FOXP1: variants seen among roughly 807,000 people sequenced by gnomAD.
The protein encoded by FOXP1 is forkhead box P1.
FOXP1 carries 15 observed loss-of-function variants against 98.2 expected under a neutral mutation model. The ratio of observed to expected loss-of-function variants is 0.15; its 90% CI spans 0.10 to 0.24. The LOEUF (loss-of-function observed/expected upper bound fraction) is 0.24, where lower values mean the gene tolerates loss of function less well. Among genes scored for constraint, FOXP1 ranks in the 10% least tolerant of loss-of-function variants. The pLI is 1.00. For missense variants in FOXP1, 633 were observed against 848.5 expected (o/e 0.75, Z 3.15); for synonymous variants, 371 against 314.5 (o/e 1.18, Z -1.90).
At chr3:71,063,666 C>T (rs555524969) in intron 7 of FOXP1, among the ~76,000 whole-genome samples, 1 of 152,254 alleles carries the variant, frequency 6.6e-6, no homozygotes, top group South Asian at 2.1e-4. Context: ...TAGTATGATT[C>T]ACATTTCCTG....
upstream of FOXP1, chr3:71,583,750 A>G: frequency 1.0e-6 from 1 of 985,642 alleles, no homozygotes; most frequent in South Asian, 4.6e-5. Flanking sequence ...GCCACACAAT[A>G]AATAACAATA....
chr3:71,580,610 C>G (rs2048088996), intron 2 of FOXP1, among the ~76,000 whole-genome samples: 1 of 151,640 alleles, frequency 6.6e-6, no homozygotes. Context: ...TGAAGTCTTA[C>G]TATTTCTTTA....
intron 3 of FOXP1, among the ~76,000 whole-genome samples, chr3:71,424,650 G>A (rs902831604): frequency 3.3e-5 from 5 of 152,232 alleles, no homozygotes; most frequent in South Asian, 2.1e-4. Flanking sequence ...ACAAAAATCC[G>A]CACTCCAATT....
At chr3:71,510,723 C>A (rs2042145080) in intron 2 of FOXP1, among the ~76,000 whole-genome samples, 1 of 152,136 alleles carries the variant, frequency 6.6e-6, no homozygotes, top group Non-Finnish European at 1.5e-5. Flanking sequence ...GTCAGCAGAC[C>A]CAGCCATTGC....
intron 3 of FOXP1, among the ~76,000 whole-genome samples, chr3:71,393,744 C>G (rs575495480): frequency 3.9e-5 from 6 of 152,320 alleles, no homozygotes; most frequent in Admixed American, 3.9e-4. Flanking sequence ...TCTGTGAAAT[C>G]AAAGCAGTTT....
chr3:71,184,172 A>C (rs549329071), intron 6 of FOXP1, among the ~76,000 whole-genome samples: 27 of 152,044 alleles, frequency 1.8e-4, no homozygotes, highest in Non-Finnish European at 3.1e-4. Flanking sequence ...AACAAACAAA[A>C]AAGCCCTTCA....
At chr3:71,115,317 T>TTTTATTTATTTATTTA (rs10563814) in intron 6 of FOXP1, among the ~76,000 whole-genome samples, 13,873 of 144,046 alleles carry the variant, frequency 0.096, 968 homozygotes, top group East Asian at 0.31. Flanking sequence ...ATTATTATTA[T>TTTTATTTATTTATTTA]TTTATTTATT....
At chr3:71,077,279 C>G (rs2053894703) in intron 7 of FOXP1, among the ~76,000 whole-genome samples, 1 of 152,122 alleles carries the variant, frequency 6.6e-6, no homozygotes, top group Non-Finnish European at 1.5e-5. Context: ...GGTGTCAATC[C>G]CTGAACCCTG....
At chr3:70,963,315 C>T (rs1371673155) in intron 20 of FOXP1, among the ~76,000 whole-genome samples, 1 of 152,164 alleles carries the variant, frequency 6.6e-6, no homozygotes, top group African/African-American at 2.4e-5. Flanking sequence ...GAAGTGAAAT[C>T]CGATTTCGGG....
intron 13 of FOXP1, among the ~76,000 whole-genome samples, chr3:70,992,329 AG>A (rs928177529): frequency 6.6e-6 from 1 of 152,210 alleles, no homozygotes; most frequent in Non-Finnish European, 1.5e-5. Context: ...ATGTGGCCCA[AG>A]CATATCCAGT....
intron 7 of FOXP1, among the ~76,000 whole-genome samples, chr3:71,104,558 T>G (rs831437): frequency 0.99 from 151,347 of 152,246 alleles, 75,238 homozygotes; most frequent in Middle Eastern, 1. Flanking sequence ...TCACATCCTC[T>G]AACTGTCATC....
In FOXP1 at chr3:71,220,980, A is replaced by G. The variant is rs2065334081; in HGVS notation, c.-11-22588T>C. Among the ~76,000 whole-genome samples the G allele has an allele frequency of 2.6e-5, 4 of 151,622 alleles. No individual in the cohort carries two copies. The South Asian group carries it at 8.3e-4, about 32-fold the overall frequency. On this transcript the variant is annotated intron_variant, in intron 5 of 20. Coordinates refer to ENST00000649528, the MANE Select transcript of FOXP1 (RefSeq NM_001349338.3). ...CAAGAATACTTAGACTTAGACACAC[A>G]TATATAAAGCTAGCAGACAAAAATA...
At chr3:71,064,665 C>T (rs1375602716) in intron 7 of FOXP1, among the ~76,000 whole-genome samples, 3 of 150,302 alleles carry the variant, frequency 2.0e-5, no homozygotes, top group African/African-American at 7.6e-5. Context: ...AACTCCTACC[C>T]AACTTGGTAA....
chr3:71,388,382 G>C (rs2080758351), intron 3 of FOXP1, among the ~76,000 whole-genome samples: 1 of 152,180 alleles, frequency 6.6e-6, no homozygotes, highest in Non-Finnish European at 1.5e-5. Flanking sequence ...TTTAGTGCAC[G>C]TTCCGCAGCT....
chr3:71,080,837 G>A (rs1476985032), intron 7 of FOXP1, among the ~76,000 whole-genome samples: 1 of 152,166 alleles, frequency 6.6e-6, no homozygotes. Flanking sequence ...GGGTATCAAA[G>A]AAAGTCTTAC....
At chr3:71,037,063 T>C (rs2047694041) in intron 11 of FOXP1, among the ~76,000 whole-genome samples, 1 of 152,220 alleles carries the variant, frequency 6.6e-6, no homozygotes, top group South Asian at 2.1e-4. Flanking sequence ...ATTTAATTTC[T>C]ATTATTCGAT....
chr3:71,145,232 A>T (rs2321499), intron 6 of FOXP1, among the ~76,000 whole-genome samples: 72,465 of 151,414 alleles, frequency 0.48, 17,927 homozygotes, highest in East Asian at 0.87. Flanking sequence ...TTATTTATTT[A>T]TTTTTTTTAA....
chr3:70,967,054 A>G (rs1287841700), intron 19 of FOXP1, among the ~76,000 whole-genome samples: 2 of 152,358 alleles, frequency 1.3e-5, no homozygotes, highest in East Asian at 3.9e-4. Context: ...AATTAAACCA[A>G]GATTTATCAC....
intron 3 of FOXP1, among the ~76,000 whole-genome samples, chr3:71,427,385 G>A (rs1265228223): frequency 1.3e-5 from 2 of 152,204 alleles, no homozygotes; most frequent in South Asian, 2.1e-4. Context: ...GGTATCCTAC[G>A]GAGAGGGTCT....
Sources: gnomAD v4.1 joint callset for allele counts (sites outside exome capture counted in the v4.1 genomes callset) on GRCh38, gnomAD v4.1.1 for gene constraint, MANE v1.5 for transcripts, NCBI Gene and HGNC (gene_info 2026-07-23, HGNC 2026-07-21) for gene names.